Variants in MND1 observed in about 807,000 individuals in gnomAD.
MND1 encodes meiotic nuclear divisions 1.
A neutral mutation model predicts 35.1 loss-of-function variants in MND1; 28 were observed. The observed-to-expected ratio is 0.80, with a 90% confidence interval of 0.59 to 1.09. The LOEUF is 1.09. Among genes scored for constraint, MND1 ranks in the 50% least tolerant of loss-of-function variants. The pLI is 0.00. For synonymous variants in MND1, 69 were observed against 70.5 expected, an observed-to-expected ratio of 0.98 and a Z score of 0.11; for missense variants, 213 against 239.6, an observed-to-expected ratio of 0.89 and a Z score of 0.73.
intron 6 of MND1, among the ~76,000 whole-genome samples, chr4:153,408,084 C>T (rs1220705731): frequency 6.6e-6 from 1 of 152,038 alleles, no homozygotes; most frequent in African/African-American, 2.4e-5. Context: ...GGAGGCCAAC[C>T]TGGGCAACAT....
intron 7 of MND1, among the ~76,000 whole-genome samples, chr4:153,409,764 A>AT (rs35045717): frequency 1.2e-4 from 18 of 150,162 alleles, no homozygotes; most frequent in African/African-American, 2.9e-4. Flanking sequence ...GGCCTTTCGG[A>AT]TTTTTTTTTT....
chr4:153,388,524 T>C (rs776315462), intron 4 of MND1, among the ~76,000 whole-genome samples: 13 of 152,174 alleles, frequency 8.5e-5, no homozygotes, highest in Non-Finnish European at 1.9e-4. Flanking sequence ...TTTTTACTAA[T>C]TATAAGTAGT....
intron 4 of MND1, among the ~76,000 whole-genome samples, chr4:153,385,217 C>T (rs1256442087): frequency 6.6e-6 from 1 of 152,034 alleles, no homozygotes; most frequent in Non-Finnish European, 1.5e-5. Flanking sequence ...GTTGTATGTC[C>T]CAAAATAGAG....
intron 4 of MND1, among the ~76,000 whole-genome samples, chr4:153,365,330 T>C (rs1056478201): frequency 6.6e-6 from 1 of 152,082 alleles, no homozygotes; most frequent in African/African-American, 2.4e-5. Context: ...GCTCCCATGA[T>C]AGATAACTCA....
At chr4:153,373,041 T>C (rs1047652263) in intron 4 of MND1, among the ~76,000 whole-genome samples, 1 of 151,936 alleles carries the variant, frequency 6.6e-6, no homozygotes. Context: ...AATAGTAGCA[T>C]GGCATATCTT....
At chr4:153,356,481 A>C (rs1024885483) in intron 3 of MND1, among the ~76,000 whole-genome samples, 1 of 133,976 alleles carries the variant, frequency 7.5e-6, no homozygotes, top group Non-Finnish European at 1.5e-5. Context: ...TGAACCCAGG[A>C]GGCAGAGCTT....
rs145532722 is a variant in MND1 at position 153,405,960 on chromosome 4, C to T, written c.467-3011C>T. Among the ~76,000 whole-genome samples the T allele has an allele frequency of 8.0e-3, 1,209 of 152,074 alleles. 14 individuals carry two copies. Among genetic ancestry groups the T allele is most frequent in the African/African-American group, 0.027 (1,130 of 41,496 alleles). ...CTGGGACTACAGGCGCCCACCACCA[C>T]GCCAGGCTAATTTTTTACATTTTTA... On this transcript the variant is annotated intron_variant, in intron 6 of 7. Transcript: ENST00000240488.
At chr4:153,385,284 G>A (rs1396121571) in intron 4 of MND1, among the ~76,000 whole-genome samples, 2 of 152,122 alleles carry the variant, frequency 1.3e-5, no homozygotes, top group East Asian at 3.8e-4. Flanking sequence ...TTCATAGTTG[G>A]CCAGCACTAT....
intron 6 of MND1, among the ~76,000 whole-genome samples, chr4:153,406,950 TG>T (rs1729527405): frequency 6.6e-6 from 1 of 152,184 alleles, no homozygotes; most frequent in Non-Finnish European, 1.5e-5. Context: ...AGAGAGCTTG[TG>T]CAGGGAAACT....
chr4:153,386,807 T>C (rs1275553092), intron 4 of MND1, among the ~76,000 whole-genome samples: 1 of 152,174 alleles, frequency 6.6e-6, no homozygotes, highest in African/African-American at 2.4e-5. Context: ...CATAAGACAC[T>C]AAGTAAAGTA....
chr4:153,344,930 C>G (rs1199705711), intron 1 of MND1, among the ~76,000 whole-genome samples, 190 bp downstream of exon 1: 1 of 152,142 alleles, frequency 6.6e-6, no homozygotes, highest in Non-Finnish European at 1.5e-5. Flanking sequence ...CACTCTGCGG[C>G]GTTCCCCGCC....
intron 4 of MND1, among the ~76,000 whole-genome samples, chr4:153,364,262 T>G (rs1383524737): frequency 6.6e-6 from 1 of 151,194 alleles, no homozygotes; most frequent in Non-Finnish European, 1.5e-5. Flanking sequence ...GCATCTGTGG[T>G]CTCAGCTACT....
chr4:153,380,083 G>GTATTT, intron 4 of MND1, among the ~76,000 whole-genome samples: 1 of 152,068 alleles, frequency 6.6e-6, no homozygotes, highest in South Asian at 2.1e-4. Context: ...ATGGTCTGTG[G>GTATTT]TATCATTCAA....
At chr4:153,381,709 T>TAAATATATATATA (rs1728711345) in intron 4 of MND1, 1 of 79,058 alleles carries the variant, frequency 1.3e-5, no homozygotes, top group African/African-American at 6.1e-5. Flanking sequence ...TTTTTTTTTT[T>TAAATATATATATA]TTTTTTTTTT....
In MND1 at chr4:153,391,271, C is replaced by G. The variant is rs556649087; in HGVS notation, c.277-2991C>G. Among the ~76,000 whole-genome samples the G allele has an allele frequency of 1.6e-4, 25 of 152,126 alleles. No homozygotes were observed. The East Asian group carries it at 4.5e-3, about 27-fold the overall frequency. ...CTCTGCCTCCCAGGTTCAAGCGATTCTTGTGCCTCAGCCTCTCGAGTAGCT... is the reference window on the plus strand; with the variant it reads ...CTCTGCCTCCCAGGTTCAAGCGATTGTTGTGCCTCAGCCTCTCGAGTAGCT... On this transcript the variant is annotated intron_variant, in intron 4 of 7. Coordinates refer to ENST00000240488, the MANE Select transcript of MND1 (RefSeq NM_032117.4).
intron 4 of MND1, among the ~76,000 whole-genome samples, chr4:153,377,529 T>C (rs1373770851): frequency 1.3e-5 from 2 of 152,210 alleles, no homozygotes; most frequent in Non-Finnish European, 2.9e-5. Context: ...TTCTGTTCTC[T>C]AGAACCTCTC....
chr4:153,355,546 A>G, intron 2 of MND1, 108 bp from the exon 3 acceptor site: 1 of 670,842 alleles, frequency 1.5e-6, no homozygotes, highest in South Asian at 1.8e-5. Flanking sequence ...CATACCCTGT[A>G]AATGTATACA....
intron 7 of MND1, among the ~76,000 whole-genome samples, chr4:153,410,181 G>A (rs987358142): frequency 6.6e-6 from 1 of 152,112 alleles, no homozygotes; most frequent in African/African-American, 2.4e-5. Flanking sequence ...TGTTGGACAC[G>A]TAGATAAATA....
chr4:153,371,602 G>A (rs570650371), intron 4 of MND1, among the ~76,000 whole-genome samples: 5 of 152,176 alleles, frequency 3.3e-5, no homozygotes, highest in African/African-American at 4.8e-5. Context: ...TCAGCCTACA[G>A]AGAATTGAAG....
Sources: allele counts gnomAD v4.1 joint callset (sites outside exome capture counted in the v4.1 genomes callset), GRCh38; gene constraint gnomAD v4.1.1; transcripts MANE v1.5; gene names NCBI Gene and HGNC (gene_info 2026-07-23, HGNC 2026-07-21).